MID1: variants seen among roughly 807,000 people sequenced by gnomAD.
MID1 encodes midline 1.
MID1 carries 7 observed loss-of-function variants against 40.4 expected under a neutral mutation model. The ratio of observed to expected loss-of-function variants is 0.17; its 90% CI spans 0.10 to 0.33. MID1 has a LOEUF of 0.33. Ranked by LOEUF, MID1 falls within the 10% of genes least tolerant of loss-of-function variation. The pLI is 1.00. For synonymous variants in MID1, 229 were observed against 221.2 expected, an observed-to-expected ratio of 1.04 and a Z score of -0.31; for missense variants, 367 against 558.5, an observed-to-expected ratio of 0.66 and a Z score of 3.46.
intron 2 of MID1, among the ~76,000 whole-genome samples, chrX:10,539,756 G>A (rs945392765): frequency 8.9e-6 from 1 of 112,291 alleles, no homozygotes; most frequent in Non-Finnish European, 1.9e-5. Flanking sequence ...TTTTCTTTCT[G>A]TTCTTTGAGA....
At chrX:10,656,080 C>T (rs1314826794) in intron 1 of MID1, among the ~76,000 whole-genome samples, 1 of 112,541 alleles carries the variant, frequency 8.9e-6, no homozygotes, top group Non-Finnish European at 1.9e-5. Flanking sequence ...ACACACTACA[C>T]ACACTTTATA....
chrX:10,507,562 A>G (rs1931906241), intron 3 of MID1, among the ~76,000 whole-genome samples: 1 of 112,599 alleles, frequency 8.9e-6, no homozygotes, highest in African/African-American at 3.2e-5. Flanking sequence ...GTCTGATTTC[A>G]GGTTGGCATC....
intron 2 of MID1, among the ~76,000 whole-genome samples, chrX:10,539,174 C>A (rs981048969): frequency 8.9e-6 from 1 of 111,878 alleles, no homozygotes; most frequent in African/African-American, 3.3e-5. Context: ...TCCAATGTAA[C>A]ATTATTTTAC....
intron 2 of MID1, among the ~76,000 whole-genome samples, chrX:10,532,971 C>G (rs755144178): frequency 3.3e-4 from 36 of 110,482 alleles, no homozygotes; most frequent in Middle Eastern, 4.7e-3. Flanking sequence ...GGGGTTTCTC[C>G]ATGTTGCTCA....
chrX:10,489,545 T>C (rs1930812580), intron 4 of MID1, among the ~76,000 whole-genome samples: 1 of 112,362 alleles, frequency 8.9e-6, no homozygotes, highest in African/African-American at 3.2e-5. Flanking sequence ...TGTCCATATA[T>C]GTATGAATCT....
intron 2 of MID1, among the ~76,000 whole-genome samples, chrX:10,544,431 C>G (rs941803557): frequency 1.8e-5 from 2 of 111,611 alleles, no homozygotes; most frequent in Non-Finnish European, 3.8e-5. Context: ...ATGTGGAAGG[C>G]CTCTTTTGAG....
intron 1 of MID1, among the ~76,000 whole-genome samples, chrX:10,772,803 T>C (rs1260215145): frequency 6.4e-5 from 7 of 110,227 alleles, no homozygotes; most frequent in Non-Finnish European, 1.3e-4. Context: ...TGTACATATA[T>C]GTATAAATAA....
intron 5 of MID1, among the ~76,000 whole-genome samples, chrX:10,478,929 A>T (rs772279153): frequency 1.8e-5 from 2 of 112,101 alleles, no homozygotes; most frequent in Admixed American, 1.9e-4. Context: ...AGGCAGGCAC[A>T]ATAGGAGACA....
At chrX:10,766,004 A>G (rs1273502881) in intron 1 of MID1, among the ~76,000 whole-genome samples, 1 of 105,333 alleles carries the variant, frequency 9.5e-6, no homozygotes, top group African/African-American at 3.4e-5. Context: ...AGAAAGAAAG[A>G]AAGAACCAAA....
intron 1 of MID1, among the ~76,000 whole-genome samples, chrX:10,708,689 C>T (rs2043246758): frequency 9.0e-6 from 1 of 111,453 alleles, no homozygotes; most frequent in Non-Finnish European, 1.9e-5. Context: ...AGGGTGTATG[C>T]GGAGTGAGAG....
At chrX:10,732,870 T>C (rs2043460704) in intron 1 of MID1, among the ~76,000 whole-genome samples, 1 of 101,975 alleles carries the variant, frequency 9.8e-6, no homozygotes, top group Non-Finnish European at 2.0e-5. Context: ...CTTCTTTTTT[T>C]TTTTTTTTTT....
At chrX:10,566,747 G>A (rs1934567739) in intron 2 of MID1, 141 bp downstream of exon 2, 1 of 628,977 alleles carries the variant, frequency 1.6e-6, no homozygotes, top group Non-Finnish European at 2.5e-6. Flanking sequence ...TTTATAGGTT[G>A]CCAAAAACAT....
At chrX:10,593,804 C>CACA (rs59220831) in intron 1 of MID1, among the ~76,000 whole-genome samples, 3 of 105,798 alleles carry the variant, frequency 2.8e-5, no homozygotes, top group African/African-American at 7.0e-5. Context: ...CACACACACA[C>CACA]CACTTTTTCT....
intron 1 of MID1, among the ~76,000 whole-genome samples, chrX:10,593,461 T>C (rs1318428365): frequency 9.0e-6 from 1 of 111,465 alleles, no homozygotes; most frequent in Non-Finnish European, 1.9e-5. Context: ...CAGAAATTTA[T>C]ACTGTGCCAC....
chrX:10,506,159 T>G (rs1384368547), intron 3 of MID1: 2 of 895,220 alleles, frequency 2.2e-6, no homozygotes, highest in Non-Finnish European at 2.7e-6. Context: ...ATATCTTTGA[T>G]GTCCAGTGAT....
chrX:10,676,599 CTGTT>C (rs1177454153), intron 1 of MID1, among the ~76,000 whole-genome samples: 1 of 111,699 alleles, frequency 9.0e-6, no homozygotes, highest in Non-Finnish European at 1.9e-5. Flanking sequence ...TTCCTTCCCT[CTGTT>C]TGATTTCTTC....
intron 1 of MID1, among the ~76,000 whole-genome samples, chrX:10,693,361 AT>A (rs751777327): frequency 8.8e-4 from 87 of 98,890 alleles, no homozygotes; most frequent in Admixed American, 7.8e-4. Flanking sequence ...CACTTGGTTA[AT>A]TTTTTTTTTT....
chrX:10,737,470 C>T (rs767673606), intron 1 of MID1, among the ~76,000 whole-genome samples: 4 of 112,579 alleles, frequency 3.6e-5, no homozygotes, highest in South Asian at 3.7e-4. Context: ...ATGCCGGCCG[C>T]GGCCAATGCC....
At chrX:10,641,694 C>G (rs1430939255) in intron 1 of MID1, among the ~76,000 whole-genome samples, 1 of 111,699 alleles carries the variant, frequency 9.0e-6, no homozygotes, top group African/African-American at 3.3e-5. Context: ...GATACCAAAG[C>G]CTGGCAGAGA....
Sources: gnomAD v4.1 joint callset for allele counts (sites outside exome capture counted in the v4.1 genomes callset) on GRCh38, gnomAD v4.1.1 for gene constraint, MANE v1.5 for transcripts, NCBI Gene and HGNC (gene_info 2026-07-23, HGNC 2026-07-21) for gene names.